The following ANO4 variants were observed in gnomAD, a reference collection of about 807,000 sequenced individuals.
ANO4 encodes anoctamin 4.
Under a neutral mutation model 141.9 loss-of-function variants are expected in ANO4, and 69 were observed. The ratio of observed to expected loss-of-function variants is 0.49; its 90% CI spans 0.40 to 0.59. The LOEUF (loss-of-function observed/expected upper bound fraction) is 0.59. Ranked by LOEUF, ANO4 falls within the 20% of genes least tolerant of loss-of-function variation. ANO4 has a pLI of 0.00. For synonymous variants in ANO4, 350 were observed against 394.3 expected (o/e 0.89, Z 1.33); for missense variants, 894 against 1,162.2 (o/e 0.77, Z 3.36).
At chr12:100,915,287 A>G (rs116042838) in intron 2 of ANO4, among the ~76,000 whole-genome samples, 181 of 152,322 alleles carry the variant, frequency 1.2e-3, no homozygotes, top group African/African-American at 4.3e-3. Flanking sequence ...ATGTAGCTCA[A>G]GTTTTGAAAT....
intron 5 of ANO4, among the ~76,000 whole-genome samples, chr12:100,957,699 TCA>T (rs2043226674): frequency 6.6e-6 from 1 of 152,222 alleles, no homozygotes; most frequent in Non-Finnish European, 1.5e-5. Context: ...CAAGCGATTC[TCA>T]CACCTCAGCC....
At chr12:100,846,239 A>G (rs2037552561) in intron 1 of ANO4, among the ~76,000 whole-genome samples, 1 of 152,246 alleles carries the variant, frequency 6.6e-6, no homozygotes, top group Non-Finnish European at 1.5e-5. Flanking sequence ...ATCCTAGTAT[A>G]TAAAAATCAT....
chr12:100,985,753 T>A (rs2044681116), intron 7 of ANO4, among the ~76,000 whole-genome samples: 1 of 151,978 alleles, frequency 6.6e-6, no homozygotes. Flanking sequence ...CCAAGCAGAG[T>A]TGGGATCATG....
intron 2 of ANO4, among the ~76,000 whole-genome samples, chr12:100,738,559 TAAGAAATGCTAA>T (rs2031708377): frequency 1.3e-5 from 2 of 152,188 alleles, no homozygotes; most frequent in African/African-American, 4.8e-5. Flanking sequence ...TAATTTTATA[TAAGAAATGCTAA>T]AACCTGAAAT....
intron 3 of ANO4, among the ~76,000 whole-genome samples, 177 bp from the exon 4 acceptor site, chr12:100,939,138 G>A (rs182996521): frequency 1.3e-5 from 2 of 151,960 alleles, no homozygotes; most frequent in African/African-American, 2.4e-5. Context: ...ACACTGTTTG[G>A]TCAAACATGT....
At position 100,922,264 on chromosome 12, in the gene ANO4, C is replaced by T; in HGVS notation, c.94C>T (p.Gln32Ter). Residue 32 changes from glutamine (Q) to a stop codon, truncating the protein, a stop_gained, in exon 3 of 28, where the codon CAA (glutamine) becomes TAA (stop). Transcript: ENST00000392977. LOFTEE classifies it high-confidence loss of function. ...TTTGCAAGGCTACCAGCTGGATATGCAAATACTACCTGACGGGCCAAAGAG... is the reference window on the plus strand; with the variant it reads ...TTTGCAAGGCTACCAGCTGGATATGTAAATACTACCTGACGGGCCAAAGAG... ...VDLQGYQLDM[Q>*]ILPDGPKSDV... The T allele has an allele frequency of 6.5e-7, 1 of 1,532,950 alleles. No homozygotes were observed. 95.0% of individuals were successfully genotyped at this position (1,532,950 alleles called of 1,614,324 possible).
chr12:100,724,365 G>A (rs2031009857), intron 1 of ANO4, among the ~76,000 whole-genome samples: 1 of 152,224 alleles, frequency 6.6e-6, no homozygotes, highest in African/African-American at 2.4e-5. Flanking sequence ...CTGAGACAGG[G>A]TTTGAGGATG....
intron 3 of ANO4, among the ~76,000 whole-genome samples, chr12:100,923,539 A>G (rs1279755020): frequency 6.6e-6 from 1 of 152,044 alleles, no homozygotes; most frequent in Non-Finnish European, 1.5e-5. Context: ...TCTATCATTG[A>G]TGGACATTTG....
intron 3 of ANO4, among the ~76,000 whole-genome samples, chr12:100,928,463 A>G (rs903444959): frequency 3.9e-5 from 6 of 152,164 alleles, no homozygotes; most frequent in Non-Finnish European, 5.9e-5. Flanking sequence ...ATAAATATTT[A>G]GAAAATAAAG....
intron 5 of ANO4, among the ~76,000 whole-genome samples, chr12:100,954,275 C>G (rs1405650655): frequency 1.3e-5 from 2 of 152,160 alleles, no homozygotes; most frequent in Non-Finnish European, 2.9e-5. Flanking sequence ...GTCAGGGAAT[C>G]CACCTCCCAT....
intron 1 of ANO4, among the ~76,000 whole-genome samples, chr12:100,809,872 T>C (rs2035290459): frequency 6.6e-6 from 1 of 152,140 alleles, no homozygotes; most frequent in Non-Finnish European, 1.5e-5. Context: ...AGTTAGAGAC[T>C]GTTTTCTCTT....
intron 3 of ANO4, among the ~76,000 whole-genome samples, chr12:100,765,077 C>T (rs773097394): frequency 6.6e-6 from 1 of 152,170 alleles, no homozygotes; most frequent in Non-Finnish European, 1.5e-5. Flanking sequence ...CCAGTGGAGA[C>T]ATCAGCTCCT....
intron 22 of ANO4, among the ~76,000 whole-genome samples, chr12:101,106,100 CTG>C (rs1361087571): frequency 6.6e-6 from 1 of 151,972 alleles, no homozygotes; most frequent in African/African-American, 2.4e-5. Flanking sequence ...GAGCGAAACT[CTG>C]TCTCAAAAAA....
chr12:101,043,624 G>GTA lies in ANO4; in HGVS notation c.1244_1245dup (p.Ala416MetfsTer4). 6.2e-7 allele frequency: 1 copy of GTA among 1,609,724 alleles called. No homozygotes were observed. Among genetic ancestry groups the GTA allele is most frequent in the South Asian group, 1.1e-5 (1 of 90,974 alleles). ...ATTCATGAGGCTGTCAGACAGCTGT[G>GTA]TATATGCCAAGGTAATTTCAAACTG... On this transcript the variant is annotated frameshift_variant, in exon 13 of 28. Transcript: ENST00000392977. LOFTEE classifies it high-confidence loss of function.
chr12:100,943,496 C>G (rs1592790036), intron 5 of ANO4, among the ~76,000 whole-genome samples: 1 of 152,204 alleles, frequency 6.6e-6, no homozygotes, highest in East Asian at 1.9e-4. Flanking sequence ...TCTTGGGACA[C>G]TTCAGATAAA....
intron 1 of ANO4, among the ~76,000 whole-genome samples, chr12:100,808,517 A>C (rs1181166169): frequency 6.6e-6 from 1 of 152,242 alleles, no homozygotes; most frequent in Non-Finnish European, 1.5e-5. Context: ...ACCTGTCGTC[A>C]CACAGGGTAT....
At chr12:101,088,607 T>G (rs925432444) in intron 17 of ANO4, among the ~76,000 whole-genome samples, 1 of 152,124 alleles carries the variant, frequency 6.6e-6, no homozygotes, top group African/African-American at 2.4e-5. Context: ...AAATTGTTGT[T>G]GCTATTTTTT....
chr12:100,793,100 T>A (rs2034110192), upstream of ANO4, among the ~76,000 whole-genome samples: 1 of 152,226 alleles, frequency 6.6e-6, no homozygotes. Context: ...TGTTGAAATT[T>A]CAAGAAGAAG....
At chr12:100,878,221 A>G (rs2135947974) in intron 1 of ANO4, among the ~76,000 whole-genome samples, 1 of 152,286 alleles carries the variant, frequency 6.6e-6, no homozygotes, top group East Asian at 1.9e-4. Context: ...TCTGTTCAGC[A>G]TTAACTGAGC....
Sources: gnomAD v4.1 joint callset for allele counts (sites outside exome capture counted in the v4.1 genomes callset) on GRCh38, gnomAD v4.1.1 for gene constraint, MANE v1.5 for transcripts, NCBI Gene and HGNC (gene_info 2026-07-23, HGNC 2026-07-21) for gene names.